CELF4: variants seen among roughly 807,000 people sequenced by gnomAD.
CELF4 encodes the protein CUGBP Elav-like family member 4.
In CELF4, 18 loss-of-function variants were observed where a neutral mutation model predicts 59.9. That is an observed-to-expected ratio of 0.30 (90% CI 0.21 to 0.45). The LOEUF (loss-of-function observed/expected upper bound fraction) is 0.45, where lower values mean the gene tolerates loss of function less well. Ranked by LOEUF, CELF4 falls within the 20% of genes least tolerant of loss-of-function variation. The probability of loss-of-function intolerance (pLI) is 1.00; values close to 1 mark genes in which losing one functional copy is unlikely to be tolerated. For missense variants in CELF4, 456 were observed against 689.0 expected (o/e 0.66, Z 3.79); for synonymous variants, 261 against 267.1 (o/e 0.98, Z 0.22).
Position 37,390,849 on chromosome 18 carries a change from G to T in CELF4, c.370-68968C>A, listed in dbSNP as rs537202008. 1.1e-4 allele frequency among the ~76,000 whole-genome samples: 16 copies of T among 151,012 alleles called. No individual in the cohort carries two copies. The East Asian group carries it at 3.0e-3, about 28-fold the overall frequency. ...TGGCCGGCACAGCAGTGGCAGCACT[G>T]CTATTAGTCATCGTGAAAGCTCCAG... On this transcript the variant is annotated intron_variant, in intron 2 of 12. Transcript: ENST00000420428.
intron 2 of CELF4, among the ~76,000 whole-genome samples, chr18:37,354,933 T>G (rs578043096): frequency 2.0e-5 from 3 of 152,344 alleles, no homozygotes; most frequent in African/African-American, 7.2e-5. Flanking sequence ...GAGAGATATT[T>G]CCATAAGGAA....
At chr18:37,471,115 G>A (rs1464176374) in intron 2 of CELF4, among the ~76,000 whole-genome samples, 2 of 152,056 alleles carry the variant, frequency 1.3e-5, no homozygotes, top group African/African-American at 4.8e-5. Flanking sequence ...CAGAGAGGGA[G>A]CCAAGTTTCC....
chr18:37,350,720 T>C (rs1240417048), intron 2 of CELF4, among the ~76,000 whole-genome samples: 1 of 152,168 alleles, frequency 6.6e-6, no homozygotes, highest in Non-Finnish European at 1.5e-5. Flanking sequence ...CTCGCAAGGG[T>C]CCCTTTATCT....
chr18:37,424,499 G>A (rs941612104), intron 2 of CELF4, among the ~76,000 whole-genome samples: 15 of 152,184 alleles, frequency 9.9e-5, no homozygotes, highest in Admixed American at 6.5e-4. Context: ...TTGGAGGGTC[G>A]TGGCCTAGCT....
At chr18:37,381,930 C>T (rs539707991) in intron 2 of CELF4, among the ~76,000 whole-genome samples, 1 of 152,162 alleles carries the variant, frequency 6.6e-6, no homozygotes, top group African/African-American at 2.4e-5. Context: ...GAAGACACAA[C>T]CCAGGGATTG....
chr18:37,361,888 C>T (rs2098709516), intron 2 of CELF4, among the ~76,000 whole-genome samples: 1 of 152,012 alleles, frequency 6.6e-6, no homozygotes. Context: ...CTTCCCAGCG[C>T]TTGAGAGCAC....
chr18:37,289,467 G>T (rs544395994), intron 3 of CELF4, among the ~76,000 whole-genome samples: 4 of 152,170 alleles, frequency 2.6e-5, no homozygotes, highest in Non-Finnish European at 4.4e-5. Context: ...CTGTGGGGCT[G>T]CTCTGCCAGG....
In CELF4 at chr18:37,416,554, C is replaced by T. The variant is rs115332733; in HGVS notation, c.369+68971G>A. ...TTTAACAAGGAAGATGCTGGAGCCC[C>T]ACCACAGACATATGGAATCAGTATC... On this transcript the variant is annotated intron_variant, in intron 2 of 12. Transcript: ENST00000420428. Among the ~76,000 whole-genome samples, 596 of 152,338 alleles carry T rather than the reference C, an allele frequency of 3.9e-3. 4 individuals are homozygous for T. The highest frequency in any genetic ancestry group is 0.014 in the African/African-American group (573 of 41,584).
At chr18:37,370,654 C>T (rs1407422660) in intron 2 of CELF4, among the ~76,000 whole-genome samples, 6 of 152,130 alleles carry the variant, frequency 3.9e-5, no homozygotes, top group South Asian at 2.1e-4. Context: ...TTGTACTTTC[C>T]GCAGGTGGCC....
chr18:37,394,407 G>A (rs945126531), intron 2 of CELF4, among the ~76,000 whole-genome samples: 1 of 152,202 alleles, frequency 6.6e-6, no homozygotes, highest in Non-Finnish European at 1.5e-5. Context: ...CAGGCAGGCC[G>A]TGAGCTGCCC....
intron 3 of CELF4, among the ~76,000 whole-genome samples, chr18:37,310,287 C>T (rs113427180): frequency 5.5e-4 from 83 of 152,214 alleles, no homozygotes; most frequent in African/African-American, 2.0e-3. Context: ...CAGCCAGGTC[C>T]CTGCTCCCCG....
intron 3 of CELF4, among the ~76,000 whole-genome samples, chr18:37,293,148 C>T (rs762005598): frequency 2.0e-4 from 30 of 152,240 alleles, no homozygotes; most frequent in Non-Finnish European, 4.1e-4. Context: ...CAGGCTCCTT[C>T]GGGCACAGTC....
intron 1 of CELF4, among the ~76,000 whole-genome samples, chr18:37,539,472 A>ACACAAAC (rs2099976149): frequency 5.6e-5 from 6 of 106,748 alleles, no homozygotes; most frequent in Non-Finnish European, 1.2e-4. Context: ...CACACACACA[A>ACACAAAC]ACACACACAC....
Position 37,385,402 on chromosome 18 carries a change from A to G in CELF4, c.370-63521T>C, listed in dbSNP as rs2099088865. 4.0e-5 allele frequency among the ~76,000 whole-genome samples: 6 copies of G among 151,496 alleles called. 1 individual carries two copies. The Middle Eastern group carries it at 0.021, about 522-fold the overall frequency. The stretch of plus-strand genomic sequence containing the variant: ...GAAAGAAAAGAAAGAAAATGTGATC[A>G]CCTCTAACTAGATTAATGCCGTGGT... On this transcript the variant is annotated intron_variant, in intron 2 of 12. Transcript: ENST00000420428.
At chr18:37,391,312 C>T (rs1339436417) in intron 2 of CELF4, among the ~76,000 whole-genome samples, 1 of 152,192 alleles carries the variant, frequency 6.6e-6, no homozygotes, top group Non-Finnish European at 1.5e-5. Flanking sequence ...CAAAGCTGCC[C>T]CTCTCTAAGG....
chr18:37,359,160 T>C (rs1426863159), intron 2 of CELF4, among the ~76,000 whole-genome samples: 2 of 152,006 alleles, frequency 1.3e-5, no homozygotes, highest in Admixed American at 6.6e-5. Flanking sequence ...GGTGATGTCA[T>C]GTGAAGGGCG....
chr18:37,379,062 G>T (rs1352950399), intron 2 of CELF4, among the ~76,000 whole-genome samples: 8 of 152,208 alleles, frequency 5.3e-5, no homozygotes, highest in Admixed American at 2.0e-4. Flanking sequence ...TGCACTGCTT[G>T]TCCTGCTTAG....
intron 2 of CELF4, among the ~76,000 whole-genome samples, chr18:37,349,011 G>C (rs2098374470): frequency 6.6e-6 from 1 of 152,152 alleles, no homozygotes; most frequent in South Asian, 2.1e-4. Flanking sequence ...GCTGATGAAT[G>C]CAACTCTCCA....
intron 3 of CELF4, among the ~76,000 whole-genome samples, chr18:37,315,594 C>G (rs951125189): frequency 1.3e-5 from 2 of 152,158 alleles, no homozygotes; most frequent in Non-Finnish European, 2.9e-5. Context: ...CTGGAGGACC[C>G]CAGGGTGCTG....
Sources: gnomAD v4.1 joint callset for allele counts (sites outside exome capture counted in the v4.1 genomes callset) on GRCh38, gnomAD v4.1.1 for gene constraint, MANE v1.5 for transcripts, NCBI Gene and HGNC (gene_info 2026-07-23, HGNC 2026-07-21) for gene names.